Variants in CDC42BPA observed in about 807,000 individuals in gnomAD.
CDC42BPA encodes serine/threonine-protein kinase MRCK alpha.
Under a neutral mutation model 223.5 loss-of-function variants are expected in CDC42BPA, and 80 were observed. The ratio of observed to expected loss-of-function variants is 0.36; its 90% CI spans 0.30 to 0.43. CDC42BPA has a LOEUF of 0.43. CDC42BPA is among the 20% of genes least tolerant of loss of function. The pLI, the probability that CDC42BPA is intolerant of heterozygous loss-of-function variation, is 1.00. For synonymous variants in CDC42BPA, 694 were observed against 718.6 expected, an observed-to-expected ratio of 0.97 and a Z score of 0.55; for missense variants, 1,743 against 2,099.9, an observed-to-expected ratio of 0.83 and a Z score of 3.32.
rs141292609 is a variant in CDC42BPA at position 227,030,745 on chromosome 1, T to C, written c.3776-275A>G. Among the ~76,000 whole-genome samples, 638 of 152,326 alleles carry C rather than the reference T, an allele frequency of 4.2e-3. 10 individuals are homozygous for C. Among genetic ancestry groups the C allele is most frequent in the African/African-American group, 0.015 (627 of 41,588 alleles). On this transcript the variant is annotated intron_variant, in intron 28 of 36. Coordinates refer to ENST00000366766, the MANE Select transcript of CDC42BPA (RefSeq NM_001394014.1). ...AAAAACCTAAGTTGTTCTACACTTA[T>C]TGTTTTGGGAGGTAAAAATTGTGAA...
chr1:227,000,102 A>AATC (rs1662490245), intron 35 of CDC42BPA, among the ~76,000 whole-genome samples: 1 of 96,704 alleles, frequency 1.0e-5, no homozygotes, highest in African/African-American at 3.4e-5. Context: ...GTATAATAAT[A>AATC]ATAATAATAA....
At position 227,048,017 on chromosome 1, in the gene CDC42BPA, C is replaced by T. The variant is rs201548687; in HGVS notation, c.3010-7G>A. The T allele has an allele frequency of 5.9e-5, 93 of 1,567,436 alleles. No individual in the cohort carries two copies. The African/African-American group carries it at 1.2e-3, about 20-fold the overall frequency. Reference sequence around the variant, plus strand: ...GTGGAGTGGAGTCTACAGTCTGAACCCAGGAGCAAAAAAGGAAATAAATGT... The same window carrying T: ...GTGGAGTGGAGTCTACAGTCTGAACTCAGGAGCAAAAAAGGAAATAAATGT... On this transcript the variant is annotated splice_polypyrimidine_tract_variant and splice_region_variant and intron_variant, in intron 22 of 36. Coordinates refer to ENST00000366766, the MANE Select transcript of CDC42BPA (RefSeq NM_001394014.1).
At position 227,040,245 on chromosome 1, in the gene CDC42BPA, C is replaced by G. The variant is rs759146865; in HGVS notation, c.3094-9G>C. 13 of 1,540,802 alleles carry G rather than the reference C, an allele frequency of 8.4e-6. No homozygotes were observed. The African/African-American group carries it at 1.4e-4, about 16-fold the overall frequency. On this transcript the variant is annotated splice_polypyrimidine_tract_variant and intron_variant, in intron 23 of 36. Coordinates refer to ENST00000366766, the MANE Select transcript of CDC42BPA (RefSeq NM_001394014.1). ...AACTGGTGAGTCTTGCGCTGCAAAA[C>G]AAATTGATAAAAAAACACACAGATT...
At position 227,080,771 on chromosome 1, in the gene CDC42BPA, T is replaced by G. The variant is rs1680467002; in HGVS notation, c.2480+122A>C. The G allele has an allele frequency of 7.2e-6, 8 of 1,109,958 alleles. No homozygotes were observed. The East Asian group carries it at 1.9e-4, about 26-fold the overall frequency. The allele number at this position is 1,109,958 out of a possible 1,614,324, so 68.8% of individuals were successfully genotyped here. On this transcript the variant is annotated intron_variant, in intron 17 of 36. Coordinates refer to ENST00000366766, the MANE Select transcript of CDC42BPA (RefSeq NM_001394014.1). ...AGTAATAAAACTGTGCTTTTCAGAG[T>G]AACTTATTTATCACATCTGACAAAT...
In CDC42BPA at chr1:227,304,189, T is replaced by C. The variant is rs117518339; in HGVS notation, c.178+12816A>G. ...TGGGAAGCCGAGGTGGGCGCATCAC[T>C]TGAGGCCAGGAGTTCCAGGCCAGCC... On this transcript the variant is annotated intron_variant, in intron 1 of 36. Coordinates refer to ENST00000366766, the MANE Select transcript of CDC42BPA (RefSeq NM_001394014.1). 8.3e-4 allele frequency among the ~76,000 whole-genome samples: 127 copies of C among 152,244 alleles called. 3 individuals carry two copies. The East Asian group carries it at 0.023, about 28-fold the overall frequency.
At chr1:227,203,555 C>A (rs1227566388) in intron 3 of CDC42BPA, among the ~76,000 whole-genome samples, 2 of 151,952 alleles carry the variant, frequency 1.3e-5, no homozygotes, top group Non-Finnish European at 2.9e-5. Flanking sequence ...TACTTCATTA[C>A]CTTTTTTAAA....
At chr1:226,998,006 A>G (rs1276323490) in intron 35 of CDC42BPA, among the ~76,000 whole-genome samples, 1 of 152,124 alleles carries the variant, frequency 6.6e-6, no homozygotes, top group Non-Finnish European at 1.5e-5. Flanking sequence ...CTACACACCA[A>G]TAATAGAGAG....
At chr1:227,061,224 C>T (rs1198028254) in intron 21 of CDC42BPA, among the ~76,000 whole-genome samples, 1 of 152,106 alleles carries the variant, frequency 6.6e-6, no homozygotes, top group Non-Finnish European at 1.5e-5. Flanking sequence ...CTTCTTGCCC[C>T]CAAAACCAAA....
intron 34 of CDC42BPA, among the ~76,000 whole-genome samples, chr1:227,009,016 C>T (rs924640161): frequency 1.1e-4 from 16 of 152,140 alleles, no homozygotes; most frequent in African/African-American, 1.7e-4. Context: ...TGGGAATATC[C>T]GTTTCAGGCT....
At position 227,193,675 on chromosome 1, in the gene CDC42BPA, T is replaced by A. The variant is rs1389210527; in HGVS notation, c.599+111A>T. On this transcript the variant is annotated intron_variant, in intron 5 of 36. Transcript: ENST00000366766. Reference sequence around the variant, plus strand: ...TCATCTCAAAATAATTTTTTTTGGTTGACGATAAATGTATCCAAGACCATA... The same window carrying A: ...TCATCTCAAAATAATTTTTTTTGGTAGACGATAAATGTATCCAAGACCATA... The A allele has an allele frequency of 3.4e-6, 3 of 892,430 alleles. No individual in the cohort carries two copies. In the East Asian group the frequency reaches 8.1e-5, roughly 24 times the overall value. The allele number at this position is 892,430 out of a possible 1,614,324, so 55.3% of individuals were successfully genotyped here. A position where few individuals can be genotyped will look rare whatever the true frequency, so the allele number is the denominator to read the frequency against.
chr1:227,202,444 T>G (rs1671946888), intron 3 of CDC42BPA, among the ~76,000 whole-genome samples: 1 of 152,134 alleles, frequency 6.6e-6, no homozygotes, highest in Non-Finnish European at 1.5e-5. Context: ...TGGCTTCATC[T>G]CACTATAATA....
intron 1 of CDC42BPA, among the ~76,000 whole-genome samples, chr1:227,290,895 T>C (rs958072367): frequency 2.0e-5 from 3 of 152,060 alleles, no homozygotes; most frequent in African/African-American, 7.2e-5. Flanking sequence ...GCACTAAAAA[T>C]TCCTTTCGAA....
At chr1:227,024,970 C>T (rs1279989462) in intron 31 of CDC42BPA, among the ~76,000 whole-genome samples, 1 of 152,194 alleles carries the variant, frequency 6.6e-6, no homozygotes, top group Non-Finnish European at 1.5e-5. Flanking sequence ...GGGCTGAGTG[C>T]AGTGGATCAT....
chr1:227,255,328 C>G (rs1342382303), intron 1 of CDC42BPA, among the ~76,000 whole-genome samples: 1 of 152,148 alleles, frequency 6.6e-6, no homozygotes, highest in Non-Finnish European at 1.5e-5. Context: ...ATAGGTCATA[C>G]AGTTTGCTCT....
In CDC42BPA at chr1:227,015,515, A is replaced by C. The variant is rs1666035411; in HGVS notation, c.4857+565T>G. On this transcript the variant is annotated intron_variant, in intron 34 of 36. Coordinates refer to ENST00000366766, the MANE Select transcript of CDC42BPA (RefSeq NM_001394014.1). ...AGCAATCCTCATGCCTTGGCCTCACAAAGTGCTGGGATTACAGGCATGAGC... is the reference window on the plus strand; with the variant it reads ...AGCAATCCTCATGCCTTGGCCTCACCAAGTGCTGGGATTACAGGCATGAGC... Among the ~76,000 whole-genome samples the C allele has an allele frequency of 2.0e-5, 3 of 152,136 alleles. No homozygotes were observed. The South Asian group carries it at 6.2e-4, about 32-fold the overall frequency.
At chr1:227,140,372 A>G (rs10799389) in intron 9 of CDC42BPA, among the ~76,000 whole-genome samples, 132,419 of 152,060 alleles carry the variant, frequency 0.87, 57,731 homozygotes, top group Middle Eastern at 0.93. Flanking sequence ...AAGAGGAGGA[A>G]ATAAAAATTT....
chr1:227,190,135 C>T (rs936575393), intron 5 of CDC42BPA, among the ~76,000 whole-genome samples: 17 of 152,178 alleles, frequency 1.1e-4, no homozygotes, highest in African/African-American at 3.9e-4. Context: ...TATTTACCTT[C>T]TTATGTGCTT....
intron 2 of CDC42BPA, among the ~76,000 whole-genome samples, chr1:227,218,645 C>T (rs555905922): frequency 6.6e-6 from 1 of 152,212 alleles, no homozygotes; most frequent in South Asian, 2.1e-4. Context: ...AGCTAGTATA[C>T]TTTACTACTC....
At chr1:227,102,167 C>T (rs186316265) in intron 14 of CDC42BPA, among the ~76,000 whole-genome samples, 31 of 152,116 alleles carry the variant, frequency 2.0e-4, no homozygotes, top group Admixed American at 5.9e-4. Context: ...AACTGGTAAG[C>T]GTAGTTGACT....
Sources: allele counts gnomAD v4.1 joint callset (sites outside exome capture counted in the v4.1 genomes callset), GRCh38; gene constraint gnomAD v4.1.1; transcripts MANE v1.5; gene names NCBI Gene and HGNC (gene_info 2026-07-23, HGNC 2026-07-21).